TENM2: variants seen among roughly 807,000 people sequenced by gnomAD.
The protein encoded by TENM2 is teneurin transmembrane protein 2.
Under a neutral mutation model 245.2 loss-of-function variants are expected in TENM2, and 52 were observed. The ratio of observed to expected loss-of-function variants is 0.21; its 90% CI spans 0.17 to 0.27. The LOEUF (loss-of-function observed/expected upper bound fraction) is 0.27, where lower values mean the gene tolerates loss of function less well. Among genes scored for constraint, TENM2 ranks in the 10% least tolerant of loss-of-function variants. The probability of loss-of-function intolerance (pLI) is 1.00; values close to 1 mark genes in which losing one functional copy is unlikely to be tolerated. For synonymous variants in TENM2, 1,363 were observed against 1,438.9 expected, an observed-to-expected ratio of 0.95 and a Z score of 1.19; for missense variants, 3,046 against 3,666.8, an observed-to-expected ratio of 0.83 and a Z score of 4.37.
At chr5:167,552,412 C>G (rs946745964) in intron 2 of TENM2, among the ~76,000 whole-genome samples, 1 of 152,130 alleles carries the variant, frequency 6.6e-6, no homozygotes, top group Non-Finnish European at 1.5e-5. Flanking sequence ...TTCTCTGGAG[C>G]CACTAATATT....
the TENM2 span, among the ~76,000 whole-genome samples, chr5:167,007,492 T>C: frequency 1.4e-4 from 21 of 152,366 alleles, no homozygotes; most frequent in Admixed American, 1.3e-4. The surrounding 1 kb of genome is among the most constrained non-coding windows in gnomAD (Gnocchi z 4.2). Context: ...GAAAAGTTAC[T>C]GTTTCTCTTC....
chr5:168,162,943 C>T (rs188265814), intron 13 of TENM2, among the ~76,000 whole-genome samples, 186 bp downstream of exon 15: 14 of 152,320 alleles, frequency 9.2e-5, no homozygotes, highest in South Asian at 2.1e-4. Context: ...TGGGAGACAC[C>T]GGCTGGAGGC....
chr5:167,976,664 C>G (rs1393859743), intron 4 of TENM2, among the ~76,000 whole-genome samples: 1 of 152,160 alleles, frequency 6.6e-6, no homozygotes, highest in Non-Finnish European at 1.5e-5. Context: ...GAATTTTTCT[C>G]TTAGCATAAA....
At chr5:166,988,208 A>T in the TENM2 span, among the ~76,000 whole-genome samples, 3 of 152,294 alleles carry the variant, frequency 2.0e-5, no homozygotes, top group South Asian at 6.2e-4. Flanking sequence ...GATTTTCAAG[A>T]TGTACATATC....
intron 13 of TENM2, among the ~76,000 whole-genome samples, chr5:168,171,488 GA>G (rs1169046379): frequency 6.6e-6 from 1 of 152,114 alleles, no homozygotes; most frequent in Admixed American, 6.5e-5. Flanking sequence ...CTGCTGCAAG[GA>G]AGCCTTAGAA....
chr5:168,210,683 C>T (rs1272072738), intron 19 of TENM2, among the ~76,000 whole-genome samples: 3 of 151,802 alleles, frequency 2.0e-5, no homozygotes, highest in Non-Finnish European at 4.4e-5. Flanking sequence ...TGCAAACCCA[C>T]CACTAATGAT....
At chr5:167,298,161 G>A (rs968192500) in intron 1 of TENM2, among the ~76,000 whole-genome samples, 18 of 152,140 alleles carry the variant, frequency 1.2e-4, no homozygotes, top group East Asian at 1.2e-3. Flanking sequence ...TGCCTCGAGC[G>A]GGATTGGGGC....
At chr5:167,224,703 A>T in the TENM2 span, among the ~76,000 whole-genome samples, 1 of 151,524 alleles carries the variant, frequency 6.6e-6, no homozygotes, top group African/African-American at 2.4e-5. Context: ...AAACTTTAGG[A>T]TTTTTTTTAT....
At chr5:167,040,656 G>A in the TENM2 span, among the ~76,000 whole-genome samples, 25 of 152,116 alleles carry the variant, frequency 1.6e-4, no homozygotes, top group Admixed American at 1.6e-3. Context: ...TCTTTGGAGA[G>A]GTCTAAATGA....
chr5:167,249,638 GA>G, the TENM2 span, among the ~76,000 whole-genome samples: 6 of 152,076 alleles, frequency 3.9e-5, no homozygotes, highest in African/African-American at 1.4e-4. Flanking sequence ...GTCATTTAAG[GA>G]AGTTAGATAT....
chr5:167,751,043 G>A (rs1434483679), intron 2 of TENM2, among the ~76,000 whole-genome samples: 1 of 152,188 alleles, frequency 6.6e-6, no homozygotes, highest in East Asian at 1.9e-4. Context: ...CAGGGAGGGA[G>A]AGGAGTGTAT....
chr5:167,268,956 A>G, the TENM2 span, among the ~76,000 whole-genome samples: 1 of 151,720 alleles, frequency 6.6e-6, no homozygotes, highest in African/African-American at 2.4e-5. Flanking sequence ...TCAGTAGGGC[A>G]TTGATTTTGA....
At chr5:167,726,831 G>A (rs1053997261) in intron 2 of TENM2, among the ~76,000 whole-genome samples, 2 of 152,030 alleles carry the variant, frequency 1.3e-5, no homozygotes, top group African/African-American at 2.4e-5. Flanking sequence ...TTCATTCCAC[G>A]AGCTTGCTAA....
chr5:167,734,223 A>G (rs1760640479), intron 2 of TENM2, among the ~76,000 whole-genome samples: 1 of 152,126 alleles, frequency 6.6e-6, no homozygotes, highest in African/African-American at 2.4e-5. Context: ...GGTTCTGATC[A>G]TAGTTTTTAG....
At chr5:167,927,771 C>T (rs1777874347) in intron 3 of TENM2, among the ~76,000 whole-genome samples, 1 of 152,104 alleles carries the variant, frequency 6.6e-6, no homozygotes, top group African/African-American at 2.4e-5. Context: ...AGGAAAAAAA[C>T]AGAGCTCCTG....
chr5:167,361,050 TG>T (rs919456912), intron 1 of TENM2, among the ~76,000 whole-genome samples: 5 of 152,156 alleles, frequency 3.3e-5, no homozygotes, highest in Admixed American at 6.5e-5. Context: ...GACATACGAA[TG>T]GGGGTATTTC....
At chr5:168,262,623 A>G (rs1302702240) in exon 29 of TENM2, 1 of 1,594,402 alleles carries the variant, frequency 6.3e-7, no homozygotes, top group Admixed American at 1.8e-5. Context: ...AAGGAGCAGC[A>G]GAAAGCCAGG....
chr5:168,188,718 G>A (rs1006527780), intron 13 of TENM2, among the ~76,000 whole-genome samples: 6 of 152,168 alleles, frequency 3.9e-5, no homozygotes, highest in African/African-American at 1.2e-4. Flanking sequence ...TTTTTAAATC[G>A]TATTGTGTGT....
At chr5:168,212,011 G>A (rs893091936) in intron 20 of TENM2, among the ~76,000 whole-genome samples, 6 of 152,134 alleles carry the variant, frequency 3.9e-5, no homozygotes, top group Non-Finnish European at 5.9e-5. Flanking sequence ...AACCCTCAGC[G>A]AACTTCTATC....
Sources: gnomAD v4.1 joint callset for allele counts (sites outside exome capture counted in the v4.1 genomes callset) on GRCh38, gnomAD v4.1.1 for gene constraint, Gnocchi (gnomAD v3.1) non-coding constraint, MANE v1.5 for transcripts, NCBI Gene and HGNC (gene_info 2026-07-23, HGNC 2026-07-21) for gene names.